The following FCHO1 variants were observed in gnomAD, a reference collection of about 807,000 sequenced individuals.
The protein encoded by FCHO1 is FCH and mu domain containing endocytic adaptor 1.
Under a neutral mutation model 114.4 loss-of-function variants are expected in FCHO1, and 45 were observed. The observed-to-expected ratio is 0.39, with a 90% confidence interval of 0.31 to 0.50. FCHO1 has a LOEUF of 0.50. Among genes scored for constraint, FCHO1 ranks in the 20% least tolerant of loss-of-function variants. The probability of loss-of-function intolerance (pLI) is 0.77; values close to 1 mark genes in which losing one functional copy is unlikely to be tolerated. For missense variants in FCHO1, 1,042 were observed against 1,209.6 expected, an observed-to-expected ratio of 0.86 and a Z score of 2.06; for synonymous variants, 480 against 488.9, an observed-to-expected ratio of 0.98 and a Z score of 0.24.
In FCHO1 at chr19:17,784,015, T is replaced by C; in HGVS notation, c.2094-88T>C. On this transcript the variant is annotated intron_variant, in intron 24 of 28. Transcript: ENST00000596536. The surrounding 1 kb of genome is among the most constrained non-coding windows in gnomAD (Gnocchi z 5.3). Reference sequence around the variant, plus strand: ...CTGGGCCCAGGGTGGGCCAGGAAATTGCATCTTTAGGAAGGGGTAGATTGA... The same window carrying C: ...CTGGGCCCAGGGTGGGCCAGGAAATCGCATCTTTAGGAAGGGGTAGATTGA... 6.7e-7 allele frequency: 1 copy of C among 1,500,540 alleles called. No homozygotes were observed. The allele number at this position is 1,500,540 out of a possible 1,614,324, so 93.0% of individuals were successfully genotyped here. A position where few individuals can be genotyped will look rare whatever the true frequency, so the allele number is the denominator to read the frequency against.
chr19:17,783,979 G>A, intron 24 of FCHO1, 124 bp from the exon 25 acceptor site: 1 of 1,226,320 alleles, frequency 8.2e-7, no homozygotes, highest in Non-Finnish European at 1.1e-6. Context: ...AACCACCCAG[G>A]TAGGGCTTTG....
Position 17,772,719 on chromosome 19 carries a change from G to A in FCHO1, c.768G>A (p.Lys256=), listed in dbSNP as rs1441469240. ...EMLLRKFAES[K]GTGREKPGPL... ...TACTCAGGAAGTTTGCAGAGAGTAA[G>A]GGCACAGGCCGGGAGAAGCCTGGTG... The change falls in exon 11 of 29, where the codon AAG becomes AAA. Residue 256 remains lysine, a synonymous_variant. Coordinates refer to ENST00000596536, the MANE Select transcript of FCHO1 (RefSeq NM_015122.3). The A allele has an allele frequency of 1.2e-6, 2 of 1,614,048 alleles. No individual in the cohort carries two copies. The highest frequency in any genetic ancestry group is 2.7e-5 in the African/African-American group (2 of 74,938).
chr19:17,782,886 G>A, intron 23 of FCHO1, 131 bp from the exon 24 acceptor site: 2 of 973,518 alleles, frequency 2.1e-6, no homozygotes, highest in Non-Finnish European at 3.0e-6. Context: ...GGATACGGGG[G>A]ATCATCAGGG....
chr19:17,768,752 G>A (rs1173349108), intron 7 of FCHO1, among the ~76,000 whole-genome samples: 1 of 150,398 alleles, frequency 6.6e-6, no homozygotes, highest in Non-Finnish European at 1.5e-5. Context: ...CTGCTGTGTT[G>A]CCCAGGCTGG....
In FCHO1 at chr19:17,785,493, G is replaced by A. The variant is rs548440642; in HGVS notation, c.2426+569G>A. 7.9e-5 allele frequency among the ~76,000 whole-genome samples: 12 copies of A among 152,060 alleles called. No homozygotes were observed. In the South Asian group the frequency reaches 1.9e-3, roughly 24 times the overall value. On this transcript the variant is annotated intron_variant, in intron 26 of 28. Transcript: ENST00000596536. ...CCGCCTCGGCCTCCCAAAGGACTGC[G>A]ATTATAGGCATGAACCACTGCACCC...
chr19:17,786,272 G>T (rs1398327749), intron 26 of FCHO1, among the ~76,000 whole-genome samples: 1 of 152,134 alleles, frequency 6.6e-6, no homozygotes, highest in African/African-American at 2.4e-5. Flanking sequence ...GGCATAGGCT[G>T]CAGTGAGCAG....
chr19:17,760,530 G>A lies in FCHO1; in HGVS notation c.28-2232G>A, dbSNP rs2085709108. On this transcript the variant is annotated intron_variant, in intron 4 of 28. Coordinates refer to ENST00000596536, the MANE Select transcript of FCHO1 (RefSeq NM_015122.3). ...GAAAAAGTTGCCCTTTAACATAAATGTCTTTGGGGAAGAAGCATAAGCAAA... is the reference window on the plus strand; with the variant it reads ...GAAAAAGTTGCCCTTTAACATAAATATCTTTGGGGAAGAAGCATAAGCAAA... Among the ~76,000 whole-genome samples, 3 of 152,154 alleles carry A rather than the reference G, an allele frequency of 2.0e-5. 1 individual carries two copies. In the South Asian group the frequency reaches 6.2e-4, roughly 31 times the overall value.
intron 28 of FCHO1, 89 bp downstream of exon 28, chr19:17,787,935 G>T (rs2094053554): frequency 1.4e-6 from 2 of 1,454,180 alleles, no homozygotes; most frequent in Non-Finnish European, 1.9e-6. Flanking sequence ...TGGGGTGTGG[G>T]GATCCTTGGG....
Position 17,776,177 on chromosome 19 carries a change from G to T in FCHO1, c.1182+16G>T, listed in dbSNP as rs766493036. On this transcript the variant is annotated intron_variant, in intron 16 of 28. Coordinates refer to ENST00000596536, the MANE Select transcript of FCHO1 (RefSeq NM_015122.3). This position sits in a 1 kb window ranked among gnomAD's most constrained non-coding sequence, Gnocchi z 4.4. Reference sequence around the variant, plus strand: ...TGGCCCAGGGGTGAGGCGTGGGAGGGGTGCCCTGGGTGTTGCTAGAGAGGC... The same window carrying T: ...TGGCCCAGGGGTGAGGCGTGGGAGGTGTGCCCTGGGTGTTGCTAGAGAGGC... 1.2e-6 allele frequency: 2 copies of T among 1,613,860 alleles called. No individual in the cohort carries two copies. The highest frequency in any genetic ancestry group is 2.2e-5 in the South Asian group (2 of 91,074).
chr19:17,784,246 C>A lies in FCHO1; in HGVS notation c.2226+11C>A. 1 of 1,587,830 alleles carries A rather than the reference C, an allele frequency of 6.3e-7. No homozygotes were observed. Among genetic ancestry groups the A allele is most frequent in the Non-Finnish European group, 8.6e-7 (1 of 1,167,476 alleles). ...CTGCTGCGATACCAGGTGCGCCACC[C>A]GCATGGGGCCGGGAGGAGGTGGTGG... On this transcript the variant is annotated intron_variant, in intron 25 of 28. Coordinates refer to ENST00000596536, the MANE Select transcript of FCHO1 (RefSeq NM_015122.3). The surrounding 1 kb of genome is among the most constrained non-coding windows in gnomAD (Gnocchi z 5.3).
In FCHO1 at chr19:17,784,635, A is replaced by G. The variant is rs540949832; in HGVS notation, c.2227-90A>G. The G allele has an allele frequency of 3.2e-6, 4 of 1,257,916 alleles. No homozygotes were observed. In the African/African-American group the frequency reaches 5.9e-5, roughly 18 times the overall value. The allele number at this position is 1,257,916 out of a possible 1,614,324, so 77.9% of individuals were successfully genotyped here. On this transcript the variant is annotated intron_variant, in intron 25 of 28. Coordinates refer to ENST00000596536, the MANE Select transcript of FCHO1 (RefSeq NM_015122.3). This position sits in a 1 kb window ranked among gnomAD's most constrained non-coding sequence, Gnocchi z 5.3. ...TGGACCCCCTTGGGGCGGTGCGTGC[A>G]TCGCAGGGTCAAGGTGGTTGAATAG...
At position 17,766,468 on chromosome 19, in the gene FCHO1, A is replaced by G. The variant is rs1231900307; in HGVS notation, c.195-201A>G. Reference sequence around the variant, plus strand: ...TGTTGATTTGTTGAGGGGCCTTGGGAGGAGCTATAGAGCTCCCTATGCCTC... The same window carrying G: ...TGTTGATTTGTTGAGGGGCCTTGGGGGGAGCTATAGAGCTCCCTATGCCTC... On this transcript the variant is annotated intron_variant, in intron 6 of 28. Transcript: ENST00000596536. The G allele has an allele frequency of 7.0e-6, 4 of 575,140 alleles. No homozygotes were observed. The Admixed American group carries it at 1.3e-4, about 18-fold the overall frequency. The allele number at this position is 575,140 out of a possible 1,614,324, so 35.6% of individuals were successfully genotyped here.
At chr19:17,757,346 T>C (rs2084008827) in intron 4 of FCHO1, among the ~76,000 whole-genome samples, 1 of 152,050 alleles carries the variant, frequency 6.6e-6, no homozygotes, top group Non-Finnish European at 1.5e-5. Context: ...GTTTGCCAGG[T>C]CTGGGAAACG....
chr19:17,788,079 C>G lies in FCHO1; in HGVS notation c.2648-205C>G, dbSNP rs1037245521. On this transcript the variant is annotated intron_variant, in intron 28 of 28. Transcript: ENST00000596536. ...GGACCCCAGCCAGGGAGCCCGAAGT[C>G]CCCCCTGCCACCCCCTCCTCCAGCC... Among the ~76,000 whole-genome samples, 14 of 151,800 alleles carry G rather than the reference C, an allele frequency of 9.2e-5. No homozygotes were observed. In the East Asian group the frequency reaches 2.5e-3, roughly 27 times the overall value.
At chr19:17,757,695 G>A (rs928519476) in intron 4 of FCHO1, among the ~76,000 whole-genome samples, 2 of 152,062 alleles carry the variant, frequency 1.3e-5, no homozygotes, top group Non-Finnish European at 2.9e-5. Flanking sequence ...ATGGCGGATC[G>A]CCTGAGCCCA....
intron 4 of FCHO1, among the ~76,000 whole-genome samples, chr19:17,762,551 G>C (rs911961064): frequency 5.9e-5 from 9 of 152,064 alleles, no homozygotes; most frequent in African/African-American, 2.2e-4. Context: ...AGGACAAAAA[G>C]AAAATCCCAG....
intron 4 of FCHO1, among the ~76,000 whole-genome samples, chr19:17,756,556 A>C (rs750417812): frequency 1.3e-4 from 20 of 152,138 alleles, no homozygotes; most frequent in Non-Finnish European, 2.9e-4. Flanking sequence ...CAGGATTCGA[A>C]TTGACTCTGC....
intron 4 of FCHO1, among the ~76,000 whole-genome samples, chr19:17,758,209 C>T (rs1422459889): frequency 4.7e-5 from 7 of 150,072 alleles, no homozygotes; most frequent in Admixed American, 2.7e-4. Flanking sequence ...AGTGAGACTC[C>T]GTCTCAAAAA....
At chr19:17,749,987 C>G (rs2081502005), upstream of FCHO1, among the ~76,000 whole-genome samples, 1 of 152,164 alleles carries the variant, frequency 6.6e-6, no homozygotes, top group African/African-American at 2.4e-5. Context: ...GGTCATCAGG[C>G]AAGACGTCAG....
Sources: gnomAD v4.1 joint callset for allele counts (sites outside exome capture counted in the v4.1 genomes callset) on GRCh38, gnomAD v4.1.1 for gene constraint, Gnocchi (gnomAD v3.1) non-coding constraint, MANE v1.5 for transcripts, NCBI Gene and HGNC (gene_info 2026-07-23, HGNC 2026-07-21) for gene names.